The following EEIG2 variants were observed in gnomAD, a reference collection of about 807,000 sequenced individuals.
EEIG2 encodes the protein EEIG family member 2.
At chr1:108,593,275 C>T in the EEIG2 span, among the ~76,000 whole-genome samples, 1 of 152,232 alleles carries the variant, frequency 6.6e-6, no homozygotes, top group Non-Finnish European at 1.5e-5. Flanking sequence ...CATGGCTTTT[C>T]CTGAGGGTAA....
the EEIG2 span, among the ~76,000 whole-genome samples, chr1:108,615,291 A>G: frequency 6.6e-6 from 1 of 152,222 alleles, no homozygotes; most frequent in Non-Finnish European, 1.5e-5. Flanking sequence ...ATTAAAGGAA[A>G]TAATGCATAT....
At chr1:108,580,216 G>A in the EEIG2 span, among the ~76,000 whole-genome samples, 1 of 152,012 alleles carries the variant, frequency 6.6e-6, no homozygotes, top group Non-Finnish European at 1.5e-5. Context: ...TAATTGTTTT[G>A]GGGAGCCATG....
chr1:108,582,709 C>T, the EEIG2 span, among the ~76,000 whole-genome samples: 1 of 152,088 alleles, frequency 6.6e-6, no homozygotes, highest in Non-Finnish European at 1.5e-5. Flanking sequence ...GAGCATTGCC[C>T]TCCAGCTCTG....
the EEIG2 span, among the ~76,000 whole-genome samples, chr1:108,592,924 A>C: frequency 2.0e-5 from 3 of 152,106 alleles, no homozygotes; most frequent in Non-Finnish European, 2.9e-5. Flanking sequence ...TTGAGAGGCC[A>C]GGGTGGGCGG....
chr1:108,571,451 G>A, the EEIG2 span, among the ~76,000 whole-genome samples: 9 of 152,170 alleles, frequency 5.9e-5, no homozygotes, highest in South Asian at 2.1e-4. Context: ...GGTGGTTATC[G>A]TGGAATGAGT....
chr1:108,632,245 A>G, the EEIG2 span, among the ~76,000 whole-genome samples: 15 of 152,254 alleles, frequency 9.9e-5, no homozygotes, highest in Admixed American at 9.8e-4. Flanking sequence ...CTTAACCAGT[A>G]TATTTTACTG....
chr1:108,569,569 T>C, the EEIG2 span, among the ~76,000 whole-genome samples: 1 of 152,198 alleles, frequency 6.6e-6, no homozygotes, highest in Non-Finnish European at 1.5e-5. Flanking sequence ...CAAGCAATCC[T>C]GCCTCAGCCG....
the EEIG2 span, chr1:108,560,696 C>T: frequency 4.6e-6 from 5 of 1,097,290 alleles, no homozygotes; most frequent in African/African-American, 8.2e-5. Context: ...ATTTATTGAT[C>T]TGCAAAGTGC....
At chr1:108,572,770 C>T in the EEIG2 span, among the ~76,000 whole-genome samples, 1 of 152,108 alleles carries the variant, frequency 6.6e-6, no homozygotes, top group African/African-American at 2.4e-5. Flanking sequence ...AGCGCGCCAC[C>T]ACACCCGGCT....
At chr1:108,614,011 C>T in the EEIG2 span, among the ~76,000 whole-genome samples, 1 of 151,846 alleles carries the variant, frequency 6.6e-6, no homozygotes, top group Non-Finnish European at 1.5e-5. Flanking sequence ...AGTTTTCTTC[C>T]TCCTACCACT....
chr1:108,592,568 G>A, the EEIG2 span, among the ~76,000 whole-genome samples: 2 of 152,102 alleles, frequency 1.3e-5, no homozygotes, highest in Non-Finnish European at 2.9e-5. Flanking sequence ...CTATGTGTTC[G>A]GATAGGGGCT....
At chr1:108,634,483 G>C in the EEIG2 span, among the ~76,000 whole-genome samples, 1 of 152,210 alleles carries the variant, frequency 6.6e-6, no homozygotes, top group Admixed American at 6.5e-5. Context: ...ACAAGTAGTA[G>C]GGTATACCCT....
the EEIG2 span, among the ~76,000 whole-genome samples, chr1:108,591,864 A>G: frequency 6.6e-6 from 1 of 152,318 alleles, no homozygotes; most frequent in African/African-American, 2.4e-5. Flanking sequence ...GAAAGAAAAA[A>G]TCATGAACAA....
chr1:108,573,133 AT>A, the EEIG2 span, among the ~76,000 whole-genome samples: 3 of 152,216 alleles, frequency 2.0e-5, no homozygotes, highest in Admixed American at 6.5e-5. Context: ...TGACTGCTGG[AT>A]CATATCAGAA....
the EEIG2 span, among the ~76,000 whole-genome samples, chr1:108,623,795 C>T: frequency 6.6e-6 from 1 of 152,072 alleles, no homozygotes; most frequent in Non-Finnish European, 1.5e-5. Context: ...CCTCAGCCTC[C>T]TGTGTAGCTG....
chr1:108,560,716 G>C, the EEIG2 span: 1 of 939,892 alleles, frequency 1.1e-6, no homozygotes. Flanking sequence ...CTTTGCAAAT[G>C]GGTTCTTCTC....
chr1:108,562,324 G>A, the EEIG2 span, among the ~76,000 whole-genome samples: 2 of 152,096 alleles, frequency 1.3e-5, no homozygotes, highest in African/African-American at 2.4e-5. Flanking sequence ...GGTATACTCC[G>A]CAAGACTTAG....
At chr1:108,598,598 A>G in the EEIG2 span, among the ~76,000 whole-genome samples, 1 of 152,124 alleles carries the variant, frequency 6.6e-6, no homozygotes, top group South Asian at 2.1e-4. Context: ...CCACACATAC[A>G]TTCTTCATAT....
chr1:108,624,731 T>C, the EEIG2 span: 1 of 1,613,998 alleles, frequency 6.2e-7, no homozygotes, highest in East Asian at 2.2e-5. Context: ...ACTCTCAAAG[T>C]GCATCTTGGA....
Sources: allele counts gnomAD v4.1 joint callset (sites outside exome capture counted in the v4.1 genomes callset), GRCh38; gene constraint gnomAD v4.1.1; transcripts MANE v1.5; gene names NCBI Gene and HGNC (gene_info 2026-07-23, HGNC 2026-07-21).